The following ARB2A variants were observed in gnomAD, a reference collection of about 807,000 sequenced individuals.
The protein encoded by ARB2A is cotranscriptional regulator ARB2A.
At chr5:94,071,644 G>T in the ARB2A span, among the ~76,000 whole-genome samples, 1 of 152,058 alleles carries the variant, frequency 6.6e-6, no homozygotes, top group Non-Finnish European at 1.5e-5. Flanking sequence ...AAGATGTATG[G>T]TCAACATCAC....
At chr5:93,682,652 T>C in the ARB2A span, among the ~76,000 whole-genome samples, 9 of 152,012 alleles carry the variant, frequency 5.9e-5, no homozygotes, top group East Asian at 1.9e-4. Flanking sequence ...AAGGGTGGAG[T>C]TGATCTTTAA....
chr5:94,036,582 C>T, the ARB2A span, among the ~76,000 whole-genome samples: 1 of 152,190 alleles, frequency 6.6e-6, no homozygotes, highest in Admixed American at 6.5e-5. Context: ...TGTTTAAAGA[C>T]TATTTGCATT....
At chr5:93,891,607 G>T in the ARB2A span, among the ~76,000 whole-genome samples, 4 of 151,920 alleles carry the variant, frequency 2.6e-5, no homozygotes, top group South Asian at 2.1e-4. Context: ...CTTTTTGCTG[G>T]AACATTAAGG....
chr5:93,876,176 T>C, the ARB2A span, among the ~76,000 whole-genome samples: 1 of 152,212 alleles, frequency 6.6e-6, no homozygotes, highest in Non-Finnish European at 1.5e-5. Flanking sequence ...ACTGGGAATT[T>C]TGTGTGTCTT....
the ARB2A span, among the ~76,000 whole-genome samples, chr5:93,624,954 C>T: frequency 2.0e-5 from 3 of 152,052 alleles, no homozygotes; most frequent in Admixed American, 6.5e-5. Context: ...CCGTGTAAAT[C>T]GAAAGGGTCA....
the ARB2A span, among the ~76,000 whole-genome samples, chr5:93,977,061 T>G: frequency 6.6e-6 from 1 of 151,532 alleles, no homozygotes; most frequent in African/African-American, 2.4e-5. Flanking sequence ...AAAAGATCTC[T>G]AGAAGGAGAA....
At chr5:93,884,799 T>C in the ARB2A span, among the ~76,000 whole-genome samples, 1 of 151,582 alleles carries the variant, frequency 6.6e-6, no homozygotes, top group Non-Finnish European at 1.5e-5. Flanking sequence ...AATTAATTAA[T>C]GCAATATTCA....
At chr5:93,853,395 A>G in the ARB2A span, among the ~76,000 whole-genome samples, 1 of 152,194 alleles carries the variant, frequency 6.6e-6, no homozygotes, top group Non-Finnish European at 1.5e-5. Flanking sequence ...CAATCATGTC[A>G]TCTGCAAACA....
At chr5:94,031,782 G>A in the ARB2A span, among the ~76,000 whole-genome samples, 1 of 152,320 alleles carries the variant, frequency 6.6e-6, no homozygotes, top group East Asian at 1.9e-4. Context: ...CTGAATTCCA[G>A]TGCAGCTCTC....
At chr5:93,793,639 G>C in the ARB2A span, among the ~76,000 whole-genome samples, 3 of 152,102 alleles carry the variant, frequency 2.0e-5, no homozygotes, top group African/African-American at 7.2e-5. Flanking sequence ...GAAGGTAATG[G>C]TTAGGAAGCT....
chr5:93,618,804 GA>G, the ARB2A span: 5 of 152,260 alleles, frequency 3.3e-5, no homozygotes, highest in East Asian at 9.6e-4. Flanking sequence ...TAAAGTATTA[GA>G]GGCAATTAAA....
the ARB2A span, among the ~76,000 whole-genome samples, chr5:93,810,211 A>T: frequency 2.6e-4 from 37 of 143,610 alleles, no homozygotes; most frequent in Non-Finnish European, 3.5e-4. Context: ...TTTTTTTTTT[A>T]AACCCAATTA....
chr5:93,662,765 C>T, the ARB2A span, among the ~76,000 whole-genome samples: 1 of 152,210 alleles, frequency 6.6e-6, no homozygotes. Flanking sequence ...AGCAAGGCTG[C>T]TCTTTTGTAA....
chr5:93,968,515 T>G, the ARB2A span, among the ~76,000 whole-genome samples: 1 of 151,956 alleles, frequency 6.6e-6, no homozygotes, highest in South Asian at 2.1e-4. Flanking sequence ...GCTCAAAATG[T>G]AAATGCAAAG....
At chr5:93,748,408 G>A in the ARB2A span, among the ~76,000 whole-genome samples, 2 of 152,154 alleles carry the variant, frequency 1.3e-5, no homozygotes, top group African/African-American at 2.4e-5. Context: ...TATCTCAGGA[G>A]GCTCTGAGGG....
chr5:93,685,264 G>C, the ARB2A span, among the ~76,000 whole-genome samples: 16 of 152,068 alleles, frequency 1.1e-4, no homozygotes, highest in Non-Finnish European at 2.1e-4. Flanking sequence ...GCTTATATTA[G>C]TTTTTTTAAA....
the ARB2A span, among the ~76,000 whole-genome samples, chr5:94,007,662 C>G: frequency 6.6e-6 from 1 of 151,882 alleles, no homozygotes; most frequent in East Asian, 1.9e-4. Flanking sequence ...ATATTCCCAG[C>G]TACCTGGGAG....
the ARB2A span, chr5:93,784,645 T>G: frequency 6.7e-6 from 4 of 598,056 alleles, no homozygotes; most frequent in East Asian, 5.8e-5. Context: ...TTTTTTGCAT[T>G]GAACACACAC....
chr5:93,621,972 A>G, the ARB2A span, among the ~76,000 whole-genome samples: 19 of 152,232 alleles, frequency 1.2e-4, no homozygotes, highest in African/African-American at 4.3e-4. Context: ...GGGTTACTTT[A>G]TTTTACTACG....
Sources: gnomAD v4.1 joint callset for allele counts (sites outside exome capture counted in the v4.1 genomes callset) on GRCh38, gnomAD v4.1.1 for gene constraint, MANE v1.5 for transcripts, NCBI Gene and HGNC (gene_info 2026-07-23, HGNC 2026-07-21) for gene names.